The following MYO16 variants were observed in gnomAD, a reference collection of about 807,000 sequenced individuals.
MYO16 encodes the protein myosin XVI.
MYO16 carries 94 observed loss-of-function variants against 205.3 expected under a neutral mutation model. That is an observed-to-expected ratio of 0.46 (90% CI 0.39 to 0.54). The LOEUF is 0.54. Ranked by LOEUF, MYO16 falls within the 20% of genes least tolerant of loss-of-function variation. The pLI is 0.00. For missense variants in MYO16, 2,315 were observed against 2,387.5 expected, an observed-to-expected ratio of 0.97 and a Z score of 0.63; for synonymous variants, 988 against 954.0, an observed-to-expected ratio of 1.04 and a Z score of -0.66.
chr13:108,796,337 A>G (rs1032909675), intron 6 of MYO16, among the ~76,000 whole-genome samples: 3 of 152,196 alleles, frequency 2.0e-5, no homozygotes, highest in African/African-American at 4.8e-5. Flanking sequence ...AACTAGTTCA[A>G]CCATTGTGGA....
chr13:108,962,605 C>T, intron 19 of MYO16, 110 bp downstream of exon 19: 4 of 777,394 alleles, frequency 5.1e-6, no homozygotes, highest in African/African-American at 3.6e-5. Flanking sequence ...AATTGAATGC[C>T]AAATGAGGAA....
intron 12 of MYO16, among the ~76,000 whole-genome samples, chr13:108,872,310 T>C (rs1879109051): frequency 1.3e-5 from 2 of 152,196 alleles, no homozygotes; most frequent in African/African-American, 2.4e-5. Flanking sequence ...TTTTGAGTAT[T>C]AGCCAAACTT....
chr13:108,520,927 A>G, the MYO16 span, among the ~76,000 whole-genome samples: 1 of 152,146 alleles, frequency 6.6e-6, no homozygotes, highest in African/African-American at 2.4e-5. Context: ...AGTCTGTGCA[A>G]TGGGTGATTC....
intron 1 of MYO16, among the ~76,000 whole-genome samples, chr13:108,614,789 A>G (rs1360681571): frequency 6.6e-6 from 1 of 151,918 alleles, no homozygotes; most frequent in African/African-American, 2.4e-5. Flanking sequence ...ACTTGGACCC[A>G]TACTTCATAC....
intron 27 of MYO16, among the ~76,000 whole-genome samples, chr13:109,098,586 G>T (rs920054521): frequency 6.6e-6 from 1 of 152,128 alleles, no homozygotes; most frequent in South Asian, 2.1e-4. Context: ...ACCAATACCG[G>T]CTGCAGGCGT....
At position 109,179,650 on chromosome 13, in the gene MYO16, G is replaced by A. The variant is rs747582502; in HGVS notation, c.5415+17G>A. ...ACCACTCAGGTAATGATGTCTGTCT[G>A]TTCACATGTGCAGTGACAAATGGAA... On this transcript the variant is annotated intron_variant, in intron 34 of 34. Transcript: ENST00000457511. 1.3e-6 allele frequency: 2 copies of A among 1,577,084 alleles called. No homozygotes were observed. Among genetic ancestry groups the A allele is most frequent in the Non-Finnish European group, 1.7e-6 (2 of 1,146,378 alleles).
chr13:108,746,589 T>C (rs186532399), intron 4 of MYO16, among the ~76,000 whole-genome samples: 243 of 152,290 alleles, frequency 1.6e-3, no homozygotes, highest in Admixed American at 4.1e-3. Flanking sequence ...AATATACTGA[T>C]ATGATCCTTA....
chr13:108,878,491 C>A lies in MYO16; in HGVS notation c.1426-4568C>A, dbSNP rs977226516. 2.6e-5 allele frequency among the ~76,000 whole-genome samples: 4 copies of A among 152,290 alleles called. No homozygotes were observed. The East Asian group carries it at 7.7e-4, about 29-fold the overall frequency. Reference sequence around the variant, plus strand: ...CCCACTGAGAGCCACCTCCACCACTCAATAAAACCCCTGCATTCACCATCC... The same window carrying A: ...CCCACTGAGAGCCACCTCCACCACTAAATAAAACCCCTGCATTCACCATCC... On this transcript the variant is annotated intron_variant, in intron 12 of 34. Coordinates refer to ENST00000457511, the MANE Select transcript of MYO16 (RefSeq NM_001198950.3).
At chr13:108,886,299 A>G in intron 13 of MYO16, 1 of 403,036 alleles carries the variant, frequency 2.5e-6, no homozygotes, top group East Asian at 7.6e-5. Context: ...CCTTTGGGTC[A>G]TTTTTTAAAG....
At chr13:109,088,500 C>T (rs977503296) in intron 27 of MYO16, among the ~76,000 whole-genome samples, 7 of 152,096 alleles carry the variant, frequency 4.6e-5, no homozygotes, top group Non-Finnish European at 1.0e-4. Context: ...CATTTTTTAT[C>T]TGCTTCCTGG....
At chr13:108,839,194 T>G (rs1202305987) in intron 9 of MYO16, among the ~76,000 whole-genome samples, 3 of 151,992 alleles carry the variant, frequency 2.0e-5, no homozygotes, top group Non-Finnish European at 4.4e-5. Flanking sequence ...CCTCTTCTTA[T>G]AAAGCCATCA....
At chr13:108,905,762 G>A (rs7323804) in intron 15 of MYO16, among the ~76,000 whole-genome samples, 150,988 of 152,134 alleles carry the variant, frequency 0.99, 74,935 homozygotes, top group Middle Eastern at 1. Context: ...ACTTTCCTCA[G>A]GAGCTTACTT....
At chr13:108,661,599 C>T (rs955535099) in intron 1 of MYO16, among the ~76,000 whole-genome samples, 7 of 152,064 alleles carry the variant, frequency 4.6e-5, no homozygotes, top group Admixed American at 2.0e-4. Context: ...GAGCATTTTG[C>T]ATTTCTAAAA....
chr13:108,909,787 A>G (rs1312500831), intron 15 of MYO16, among the ~76,000 whole-genome samples: 1 of 152,174 alleles, frequency 6.6e-6, no homozygotes, highest in Non-Finnish European at 1.5e-5. Context: ...TTTGTTGGAT[A>G]TGGGACAAGG....
intron 16 of MYO16, among the ~76,000 whole-genome samples, chr13:108,940,557 C>A (rs1882682693): frequency 6.6e-6 from 1 of 152,130 alleles, no homozygotes; most frequent in Non-Finnish European, 1.5e-5. Flanking sequence ...TTAGCACAAT[C>A]CCATGTCTAA....
At chr13:108,974,837 A>G (rs1034513478) in intron 20 of MYO16, among the ~76,000 whole-genome samples, 1 of 152,176 alleles carries the variant, frequency 6.6e-6, no homozygotes, top group Non-Finnish European at 1.5e-5. Flanking sequence ...GGGACAGTAA[A>G]CCAGAACTTT....
chr13:109,004,247 T>G (rs1269688411), intron 21 of MYO16, among the ~76,000 whole-genome samples: 1 of 152,168 alleles, frequency 6.6e-6, no homozygotes. Context: ...ATAAAAAACT[T>G]GAGAAGTTAC....
chr13:108,759,176 G>C (rs2060036726), intron 4 of MYO16, among the ~76,000 whole-genome samples: 1 of 151,128 alleles, frequency 6.6e-6, no homozygotes, highest in Non-Finnish European at 1.5e-5. Context: ...AAAAAAAAAA[G>C]TAACATCTAA....
At chr13:108,626,786 CA>C (rs1346381732), upstream of MYO16, among the ~76,000 whole-genome samples, 3 of 150,618 alleles carry the variant, frequency 2.0e-5, no homozygotes, top group Non-Finnish European at 4.4e-5. Flanking sequence ...GCCTGGGTGA[CA>C]GAGAGAAACT....
Sources: allele counts gnomAD v4.1 joint callset (sites outside exome capture counted in the v4.1 genomes callset), GRCh38; gene constraint gnomAD v4.1.1; transcripts MANE v1.5; gene names NCBI Gene and HGNC (gene_info 2026-07-23, HGNC 2026-07-21).